The following MRPL4 variants were observed in gnomAD, a reference collection of about 807,000 sequenced individuals.
MRPL4 encodes the protein mitochondrial ribosomal protein L4, also known as large ribosomal subunit protein uL4m.
In MRPL4, 34 loss-of-function variants were observed where a neutral mutation model predicts 34.1. The observed-to-expected ratio is 1.00, with a 90% CI of 0.76 to 1.33. MRPL4 has a LOEUF of 1.33. Ranked by LOEUF, MRPL4 falls within the 40% of genes most tolerant of loss-of-function variation. The pLI is 0.00. For synonymous variants in MRPL4, 196 were observed against 188.3 expected, an observed-to-expected ratio of 1.04 and a Z score of -0.33; for missense variants, 402 against 434.6, an observed-to-expected ratio of 0.92 and a Z score of 0.67.
intron 8 of MRPL4, chr19:10,259,120 A>AAG: frequency 7.8e-7 from 1 of 1,275,692 alleles, no homozygotes; most frequent in South Asian, 2.7e-5. Context: ...AAAAAAAAAA[A>AAG]AAAAAGCTCC....
intron 4 of MRPL4, 141 bp from the exon 5 acceptor site, chr19:10,256,567 C>G: frequency 1.6e-6 from 1 of 636,002 alleles, no homozygotes; most frequent in Non-Finnish European, 2.7e-6. Flanking sequence ...CTCCCCCTCG[C>G]TCCCCAAGTA....
At chr19:10,258,719 T>C (rs1395110989) in intron 8 of MRPL4, 34 bp downstream of exon 8, 6 of 1,613,952 alleles carry the variant, frequency 3.7e-6, no homozygotes, top group Non-Finnish European at 5.1e-6. Context: ...AGAGTGCGCA[T>C]GTGCAGGCTC....
Position 10,258,111 on chromosome 19 carries a change from G to C in MRPL4, c.446-111G>C. 5.5e-6 allele frequency: 4 copies of C among 728,938 alleles called. No homozygotes were observed. The South Asian group carries it at 6.8e-5, about 12-fold the overall frequency. The allele number at this position is 728,938 out of a possible 1,614,324, so 45.2% of individuals were successfully genotyped here. A position where few individuals can be genotyped will look rare whatever the true frequency, so the allele number is the denominator to read the frequency against. ...CCTGAGGCCCCACCCTCTCTGCCTTGTTCCTGGCAGCGCCCCCTCTCTCGT... is the reference window on the plus strand; with the variant it reads ...CCTGAGGCCCCACCCTCTCTGCCTTCTTCCTGGCAGCGCCCCCTCTCTCGT... On this transcript the variant is annotated intron_variant, in intron 5 of 8. Coordinates refer to ENST00000253099, the MANE Select transcript of MRPL4 (RefSeq NM_015956.3).
At position 10,252,561 on chromosome 19, in the gene MRPL4, G is replaced by A. The variant is rs781607524; in HGVS notation, c.135G>A (p.Glu45=). 14 of 1,613,020 alleles carry A rather than the reference G, an allele frequency of 8.7e-6. No individual in the cohort carries two copies. Among genetic ancestry groups the A allele is most frequent in the Admixed American group, 6.7e-5 (4 of 59,972 alleles). Residue 45 remains glutamate (E), a synonymous_variant, in exon 3 of 9, where the codon GAG becomes GAA. Transcript: ENST00000253099. ...PEQVASEGLP[E]PVLRKVELPV... Reference sequence around the variant, plus strand: ...CCGCAATCGCTCCAGGTCTCCCGGAGCCCGTGCTGCGCAAAGTCGAGCTCC... The same window carrying A: ...CCGCAATCGCTCCAGGTCTCCCGGAACCCGTGCTGCGCAAAGTCGAGCTCC...
At chr19:10,256,258 C>T (rs2039850253) in intron 4 of MRPL4, among the ~76,000 whole-genome samples, 8 of 151,784 alleles carry the variant, frequency 5.3e-5, no homozygotes, top group Admixed American at 3.9e-4. Context: ...TGCACTCCAG[C>T]GTGGGCGACA....
chr19:10,254,827 TG>T, intron 4 of MRPL4, 187 bp downstream of exon 4: 1 of 497,040 alleles, frequency 2.0e-6, no homozygotes, highest in Admixed American at 3.6e-5. Flanking sequence ...GAGATGGAGA[TG>T]GAGTCTCACT....
intron 4 of MRPL4, 161 bp downstream of exon 4, chr19:10,254,801 T>C: frequency 1.6e-6 from 1 of 626,568 alleles, no homozygotes; most frequent in Non-Finnish European, 2.6e-6. Context: ...TGGTTCTCTT[T>C]TTTTTGTTTG....
At chr19:10,258,197 T>C in intron 5 of MRPL4, 25 bp from the exon 6 acceptor site, 2 of 1,559,266 alleles carry the variant, frequency 1.3e-6, no homozygotes, top group Non-Finnish European at 1.8e-6. Context: ...GGCCCCTACC[T>C]GCTCACATGC....
intron 5 of MRPL4, among the ~76,000 whole-genome samples, chr19:10,257,291 C>T (rs1300313662): frequency 1.3e-5 from 2 of 152,156 alleles, no homozygotes; most frequent in Admixed American, 6.5e-5. Flanking sequence ...ATGACTCTCT[C>T]TTGTTTTTTC....
intron 4 of MRPL4, among the ~76,000 whole-genome samples, chr19:10,255,995 A>G (rs116996466): frequency 0.015 from 2,312 of 151,792 alleles, 39 homozygotes; most frequent in Middle Eastern, 0.02. Flanking sequence ...AAAATACAAA[A>G]AATTAGCTGG....
Position 10,259,891 on chromosome 19 carries a change from A to T in MRPL4, c.*78A>T. 7.6e-7 allele frequency: 1 copy of T among 1,323,496 alleles called. No individual in the cohort carries two copies. Among genetic ancestry groups the T allele is most frequent in the East Asian group, 2.5e-5 (1 of 40,704 alleles). 82.0% of individuals were successfully genotyped at this position (1,323,496 alleles called of 1,614,324 possible). A position where few individuals can be genotyped will look rare whatever the true frequency, so the allele number is the denominator to read the frequency against. On this transcript the variant is annotated 3_prime_UTR_variant, in exon 9 of 9. Coordinates refer to ENST00000253099, the MANE Select transcript of MRPL4 (RefSeq NM_015956.3). Reference sequence around the variant, plus strand: ...CAGGCCCACGCCCACCCTTCGAGGAAGGTGTCACCTGGACCCCTTCATTCC... The same window carrying T: ...CAGGCCCACGCCCACCCTTCGAGGATGGTGTCACCTGGACCCCTTCATTCC...
chr19:10,252,348 A>G, intron 1 of MRPL4, 38 bp downstream of exon 1: 1 of 1,613,384 alleles, frequency 6.2e-7, no homozygotes, highest in Non-Finnish European at 8.5e-7. Context: ...GAAGGATGAA[A>G]TTTGGGGGTG....
chr19:10,259,767 T>C lies in MRPL4; in HGVS notation c.890T>C (p.Leu297Pro), dbSNP rs766778094. The change falls in exon 9 of 9, where the codon CTA becomes CCA. Residue 297 changes from leucine to proline, a missense_variant. Physicochemically the swap from Leu to Pro is moderately conservative, Grantham distance 98 (BLOSUM62 -3). Coordinates refer to ENST00000253099, the MANE Select transcript of MRPL4 (RefSeq NM_015956.3). ...CCCTACAGCGACTTCCCCCGACCCC[T>C]ACCCCACGCTACCCAGGGCCCAGCG... ...SLPYSDFPRP[L>P]PHATQGPAAT... 1.2e-6 allele frequency: 2 copies of C among 1,613,096 alleles called. No homozygotes were observed. Among genetic ancestry groups the C allele is most frequent in the Admixed American group, 1.7e-5 (1 of 59,950 alleles).
rs767894074 is a variant in MRPL4, at chr19:10,258,616, G to T, written c.670G>T (p.Glu224Ter). 1 of 1,614,196 alleles carries T rather than the reference G, an allele frequency of 6.2e-7. No individual in the cohort carries two copies. The highest frequency in any genetic ancestry group is 1.7e-5 in the Admixed American group (1 of 60,012). The change falls in exon 8 of 9, where the codon GAG (glutamate) becomes TAG (stop). Residue 224 changes from glutamate to a stop codon, truncating the protein, a stop_gained. Coordinates refer to ENST00000253099, the MANE Select transcript of MRPL4 (RefSeq NM_015956.3). LOFTEE classifies it high-confidence loss of function. ...DSVLLVDLTHEEMPQSIVEAT... is the reference protein window; with the variant it reads ...DSVLLVDLTH ...CCCTGGCCTCTCTTACAGAACACAC[G>T]AGGAGATGCCACAGAGCATCGTGGA... is the stretch of plus-strand genomic sequence containing the variant.
At position 10,254,569 on chromosome 19, in the gene MRPL4, T is replaced by C. The variant is rs771232698; in HGVS notation, c.276-20T>C. Reference sequence around the variant, plus strand: ...GTTTGAAGCAGAGTTGGGCTTCTCATGTGTCCTTCCTCCCCGCAGGCTGGA... The same window carrying C: ...GTTTGAAGCAGAGTTGGGCTTCTCACGTGTCCTTCCTCCCCGCAGGCTGGA... On this transcript the variant is annotated intron_variant, in intron 3 of 8. Transcript: ENST00000253099. The C allele has an allele frequency of 2.6e-5, 42 of 1,613,310 alleles. 1 individual carries two copies. The South Asian group carries it at 3.7e-4, about 14-fold the overall frequency.
intron 3 of MRPL4, among the ~76,000 whole-genome samples, chr19:10,253,287 T>C (rs889167650): frequency 2.7e-5 from 4 of 150,752 alleles, no homozygotes; most frequent in Admixed American, 6.6e-5. Flanking sequence ...CCATCCTGGC[T>C]AACATGGTGA....
chr19:10,256,656 C>T, intron 4 of MRPL4, 52 bp from the exon 5 acceptor site: 3 of 1,514,392 alleles, frequency 2.0e-6, no homozygotes, highest in Non-Finnish European at 2.7e-6. Context: ...ATCTGCCCGG[C>T]TCCCTGACAC....
At chr19:10,253,396 G>C (rs971740465) in intron 3 of MRPL4, among the ~76,000 whole-genome samples, 1 of 147,800 alleles carries the variant, frequency 6.8e-6, no homozygotes, top group African/African-American at 2.5e-5. Context: ...AGAGAATGGC[G>C]TGAACCCGGG....
At chr19:10,259,510 A>G in intron 8 of MRPL4, 107 bp from the exon 9 acceptor site, 1 of 1,506,494 alleles carries the variant, frequency 6.6e-7, no homozygotes, top group Non-Finnish European at 8.8e-7. Context: ...ACACTAGACC[A>G]CAGTGACGAT....
Sources: gnomAD v4.1 joint callset for allele counts (sites outside exome capture counted in the v4.1 genomes callset) on GRCh38, gnomAD v4.1.1 for gene constraint, MANE v1.5 for transcripts, NCBI Gene and HGNC (gene_info 2026-07-23, HGNC 2026-07-21) for gene names.